PPIL6: variants seen among roughly 807,000 people sequenced by gnomAD.
PPIL6 encodes the protein probable inactive peptidyl-prolyl cis-trans isomerase-like 6.
A neutral mutation model predicts 36.8 loss-of-function variants in PPIL6; 39 were observed. The observed-to-expected ratio is 1.06, with a 90% CI of 0.82 to 1.38. PPIL6 has a LOEUF of 1.38. PPIL6 is among the 40% of genes most tolerant of loss of function. The probability of loss-of-function intolerance (pLI) is 0.00; values close to 1 mark genes in which losing one functional copy is unlikely to be tolerated. For missense variants in PPIL6, 368 were observed against 379.1 expected (o/e 0.97, Z 0.24); for synonymous variants, 123 against 134.1 (o/e 0.92, Z 0.57).
At chr6:109,402,106 G>C (rs960247079) in intron 6 of PPIL6, among the ~76,000 whole-genome samples, 7 of 152,204 alleles carry the variant, frequency 4.6e-5, no homozygotes, top group African/African-American at 1.7e-4. Flanking sequence ...TTTAAAAATT[G>C]GGAAAGAAAA....
intron 6 of PPIL6, among the ~76,000 whole-genome samples, chr6:109,401,375 T>A (rs1367764263): frequency 6.6e-6 from 1 of 152,188 alleles, no homozygotes; most frequent in Non-Finnish European, 1.5e-5. Context: ...AGAAATTCAG[T>A]GAATTTTTTC....
In PPIL6 at chr6:109,413,089, C is replaced by T. The variant is rs1008023703; in HGVS notation, c.688+6098G>A. Among the ~76,000 whole-genome samples, 16 of 152,214 alleles carry T rather than the reference C, an allele frequency of 1.1e-4. No homozygotes were observed. Among genetic ancestry groups the T allele is most frequent in the Admixed American group, 2.6e-4 (4 of 15,274 alleles). On this transcript the variant is annotated intron_variant, in intron 6 of 7. Coordinates refer to ENST00000521072, the MANE Select transcript of PPIL6 (RefSeq NM_173672.5). The surrounding 1 kb of genome is among the most constrained non-coding windows in gnomAD (Gnocchi z 4.6). ...AGGAGAATTGCTTGAACCCAGGCAG[C>T]GGAGGTTGCAGTGAGCTGAGATGGC...
rs75893085 is a variant in PPIL6, at chr6:109,436,911, C to T, written c.136-712G>A. Among the ~76,000 whole-genome samples, 137 of 152,286 alleles carry T rather than the reference C, an allele frequency of 9.0e-4. 1 individual carries two copies. In the East Asian group the frequency reaches 0.023, roughly 26 times the overall value. ...AGTTTTTCCCTAAGTACAACTCTTG[C>T]TAAACCTCGGTGGATCTACAGATAC... On this transcript the variant is annotated intron_variant, in intron 1 of 7. Coordinates refer to ENST00000521072, the MANE Select transcript of PPIL6 (RefSeq NM_173672.5).
intron 2 of PPIL6, among the ~76,000 whole-genome samples, chr6:109,432,767 G>C (rs1473609166): frequency 2.6e-5 from 4 of 151,844 alleles, no homozygotes; most frequent in Admixed American, 1.3e-4. Context: ...GCCAGAATGT[G>C]GATTTCTAAC....
Position 109,422,739 on chromosome 6 carries a change from A to G in PPIL6, c.632-3496T>C, listed in dbSNP as rs188424031. On this transcript the variant is annotated intron_variant, in intron 5 of 7. Transcript: ENST00000521072. ...GAAAAACACAGAAAAGTTCATTTAGACAATTAATTTAAAAGTCGTGTGAAA... is the reference window on the plus strand; with the variant it reads ...GAAAAACACAGAAAAGTTCATTTAGGCAATTAATTTAAAAGTCGTGTGAAA... 4.7e-3 allele frequency among the ~76,000 whole-genome samples: 715 copies of G among 152,362 alleles called. 4 individuals carry two copies. Among genetic ancestry groups the G allele is most frequent in the African/African-American group, 0.016 (665 of 41,586 alleles).
chr6:109,401,172 G>C (rs1398206266), intron 6 of PPIL6, among the ~76,000 whole-genome samples: 1 of 151,820 alleles, frequency 6.6e-6, no homozygotes, highest in East Asian at 1.9e-4. Flanking sequence ...CACCGTGCCT[G>C]GCCAATCTTC....
In PPIL6 at chr6:109,440,523, G is replaced by A. The variant is rs749949559; in HGVS notation, c.68C>T (p.Pro23Leu). 82 of 1,506,164 alleles carry A rather than the reference G, an allele frequency of 5.4e-5. 1 individual carries two copies. In the Middle Eastern group the frequency reaches 2.1e-3, roughly 38 times the overall value. The allele number at this position is 1,506,164 out of a possible 1,614,324, so 93.3% of individuals were successfully genotyped here. ...RCGSPSLPERPLQVKVVGLFS... is the reference protein window; with the variant it reads ...RCGSPSLPERLLQVKVVGLFS... The stretch of plus-strand genomic sequence containing the variant: ...GAGCCCCACCACCTTCACCTGCAGC[G>A]GCCGCTCCGGCAGCGACGGCGAGCC... Residue 23 changes from proline to leucine, a missense_variant, in exon 1 of 8, where the codon CCG becomes CTG. Coordinates refer to ENST00000521072, the MANE Select transcript of PPIL6 (RefSeq NM_173672.5).
intron 6 of PPIL6, chr6:109,402,907 A>C (rs1334466225): frequency 1.6e-6 from 1 of 623,044 alleles, no homozygotes; most frequent in Non-Finnish European, 2.6e-6. Context: ...TGTGTAAGAA[A>C]GAACCGTTTT....
chr6:109,404,409 C>T (rs1171934397), intron 6 of PPIL6, among the ~76,000 whole-genome samples: 1 of 152,198 alleles, frequency 6.6e-6, no homozygotes, highest in East Asian at 1.9e-4. Context: ...TGCTGCAGAC[C>T]CAACTCAAAG....
intron 1 of PPIL6, among the ~76,000 whole-genome samples, chr6:109,439,112 G>T (rs1029492484): frequency 6.6e-6 from 1 of 152,034 alleles, no homozygotes; most frequent in Non-Finnish European, 1.5e-5. Context: ...AAAAAAACTT[G>T]TCAACACTTT....
chr6:109,427,801 GAA>G (rs1773904895), intron 3 of PPIL6, among the ~76,000 whole-genome samples: 2 of 152,182 alleles, frequency 1.3e-5, no homozygotes, highest in Non-Finnish European at 2.9e-5. Context: ...ACTAGGTGTG[GAA>G]ATAGCCACAC....
intron 6 of PPIL6, among the ~76,000 whole-genome samples, chr6:109,415,646 TG>T (rs1773215300): frequency 6.6e-6 from 1 of 152,354 alleles, no homozygotes; most frequent in Non-Finnish European, 1.5e-5. Flanking sequence ...GTTTTGAGCT[TG>T]ATGGCTTTCA....
chr6:109,439,571 G>C (rs936216992), intron 1 of PPIL6, among the ~76,000 whole-genome samples: 1 of 152,156 alleles, frequency 6.6e-6, no homozygotes, highest in Admixed American at 6.5e-5. Context: ...TGGCCAGGCT[G>C]GTCTAGAACT....
chr6:109,394,996 A>G (rs1485157314), intron 7 of PPIL6, among the ~76,000 whole-genome samples: 1 of 152,072 alleles, frequency 6.6e-6, no homozygotes, highest in East Asian at 1.9e-4. Flanking sequence ...CCTCCTCCTT[A>G]TATTCTCTAT....
At chr6:109,419,970 T>C (rs1254258814) in intron 5 of PPIL6, among the ~76,000 whole-genome samples, 1 of 152,204 alleles carries the variant, frequency 6.6e-6, no homozygotes, top group African/African-American at 2.4e-5. Context: ...TATTCCAGTC[T>C]ATCTTGTTTT....
intron 2 of PPIL6, among the ~76,000 whole-genome samples, chr6:109,433,342 C>T (rs2115284657): frequency 6.6e-6 from 1 of 152,302 alleles, no homozygotes; most frequent in Admixed American, 6.5e-5. Flanking sequence ...CAGGCGTGAG[C>T]CACCACACCC....
Position 109,393,634 on chromosome 6 carries a change from C to T in PPIL6, c.825-697G>A, listed in dbSNP as rs142986492. 4.9e-3 allele frequency among the ~76,000 whole-genome samples: 740 copies of T among 152,280 alleles called. 6 individuals are homozygous for T. Among genetic ancestry groups the T allele is most frequent in the Admixed American group, 0.011 (167 of 15,292 alleles). On this transcript the variant is annotated intron_variant, in intron 7 of 7. Transcript: ENST00000521072. ...GACTATAAGTCCCTGCCATTGCCTA[C>T]CAGGGCCTGCACAGTCTATCTCCCA...
intron 6 of PPIL6, among the ~76,000 whole-genome samples, chr6:109,403,772 T>A (rs559243447): frequency 6.6e-6 from 1 of 152,368 alleles, no homozygotes; most frequent in Non-Finnish European, 1.5e-5. Context: ...ATTGCATTAT[T>A]TTTGTGTTAA....
intron 7 of PPIL6, among the ~76,000 whole-genome samples, chr6:109,393,481 C>T (rs1592052): frequency 1.3e-5 from 2 of 152,154 alleles, no homozygotes; most frequent in Non-Finnish European, 2.9e-5. Flanking sequence ...CCATTTTGGC[C>T]TCCCAAAGTG....
Sources: allele counts gnomAD v4.1 joint callset (sites outside exome capture counted in the v4.1 genomes callset), GRCh38; gene constraint gnomAD v4.1.1; non-coding constraint Gnocchi (gnomAD v3.1); transcripts MANE v1.5; gene names NCBI Gene and HGNC (gene_info 2026-07-23, HGNC 2026-07-21).